Variants in PRKAR1A observed in about 807,000 individuals in gnomAD.
PRKAR1A encodes the protein protein kinase cAMP-dependent type I regulatory subunit alpha.
A neutral mutation model predicts 52.0 loss-of-function variants in PRKAR1A; 3 were observed. The observed-to-expected ratio is 0.06, with a 90% CI of 0.03 to 0.15. PRKAR1A has a LOEUF of 0.15. PRKAR1A is among the 10% of genes least tolerant of loss of function. The pLI is 1.00. For missense variants in PRKAR1A, 240 were observed against 477.4 expected (o/e 0.50, Z 4.63); for synonymous variants, 188 against 168.4 (o/e 1.12, Z -0.90).
chr17:68,546,059 C>T (rs2086541955), intron 11 of PRKAR1A, among the ~76,000 whole-genome samples: 1 of 150,586 alleles, frequency 6.6e-6, no homozygotes, highest in Admixed American at 6.6e-5. Flanking sequence ...GTCCCAGCTA[C>T]TTGGGAGGCT....
chr17:68,523,951 C>T, intron 4 of PRKAR1A, 65 bp from the exon 5 acceptor site: 1 of 1,597,296 alleles, frequency 6.3e-7, no homozygotes, highest in Middle Eastern at 1.7e-4. Context: ...TAATTCTAAG[C>T]TTAATGTTTG....
the PRKAR1A span, among the ~76,000 whole-genome samples, chr17:68,415,898 A>T: frequency 1.3e-5 from 2 of 152,194 alleles, no homozygotes; most frequent in Non-Finnish European, 2.9e-5. Context: ...CTTTAAATGT[A>T]TGCGAGTCCT....
rs2302231 is a variant in PRKAR1A, at chr17:68,529,886, G to T, written c.892-34G>T. On this transcript the variant is annotated intron_variant, in intron 9 of 10. Transcript: ENST00000589228. ...GGTGCCACCCTGGGTTTGAGAGTGT[G>T]TGTTTGTTTAGCTTTTTGGTGATTT... is the stretch of plus-strand genomic sequence containing the variant. 0.68 allele frequency: 1,079,162 copies of T among 1,588,636 alleles called. 369,824 individuals are homozygous for T. The highest frequency in any genetic ancestry group is 0.92 in the East Asian group (41,171 of 44,740).
chr17:68,478,491 C>A, the PRKAR1A span, among the ~76,000 whole-genome samples: 168 of 152,202 alleles, frequency 1.1e-3, 1 homozygote, highest in African/African-American at 3.9e-3. Flanking sequence ...ACCAAAAAAC[C>A]CATTTTTCTC....
At chr17:68,464,192 T>C in the PRKAR1A span, among the ~76,000 whole-genome samples, 1 of 152,180 alleles carries the variant, frequency 6.6e-6, no homozygotes. Context: ...TCCTTTCTTA[T>C]CAAAGCCTCT....
At chr17:68,466,442 C>A in the PRKAR1A span, among the ~76,000 whole-genome samples, 1 of 134,456 alleles carries the variant, frequency 7.4e-6, no homozygotes. Flanking sequence ...GACAGAGTCT[C>A]ACTCTGTCAC....
At chr17:68,526,399 G>A (rs2085792860) in intron 7 of PRKAR1A, among the ~76,000 whole-genome samples, 1 of 152,190 alleles carries the variant, frequency 6.6e-6, no homozygotes, top group African/African-American at 2.4e-5. Flanking sequence ...GGAACTTTCT[G>A]GTGATAGTCA....
the PRKAR1A span, among the ~76,000 whole-genome samples, chr17:68,478,175 C>T: frequency 1.1e-4 from 17 of 151,876 alleles, no homozygotes; most frequent in South Asian, 4.2e-4. Context: ...TTTTCTTGGC[C>T]GGGTGTGGTG....
the PRKAR1A span, among the ~76,000 whole-genome samples, chr17:68,453,560 C>T: frequency 6.6e-6 from 1 of 150,594 alleles, no homozygotes; most frequent in Admixed American, 6.6e-5. Flanking sequence ...CTCACTCCAA[C>T]CTCCGCCTCC....
intron 2 of PRKAR1A, among the ~76,000 whole-genome samples, chr17:68,516,065 G>A (rs2085423064): frequency 6.6e-6 from 1 of 152,058 alleles, no homozygotes; most frequent in African/African-American, 2.4e-5. Context: ...GTCTATTTTA[G>A]TATAGAGTAT....
the PRKAR1A span, among the ~76,000 whole-genome samples, chr17:68,417,561 C>T: frequency 7.2e-5 from 11 of 151,820 alleles, no homozygotes; most frequent in Non-Finnish European, 1.5e-4. Flanking sequence ...TTGTCAATTA[C>T]AGTTCAGGGC....
At chr17:68,492,912 T>C in the PRKAR1A span, among the ~76,000 whole-genome samples, 1 of 152,234 alleles carries the variant, frequency 6.6e-6, no homozygotes, top group Non-Finnish European at 1.5e-5. Context: ...CAGTCTGTCA[T>C]TGATGGACAT....
chr17:68,437,212 A>C, the PRKAR1A span, among the ~76,000 whole-genome samples: 1 of 152,160 alleles, frequency 6.6e-6, no homozygotes, highest in Non-Finnish European at 1.5e-5. Flanking sequence ...ACTGTTGGCC[A>C]GTAACTTCAA....
chr17:68,505,485 T>C, the PRKAR1A span, among the ~76,000 whole-genome samples: 1 of 151,854 alleles, frequency 6.6e-6, no homozygotes, highest in African/African-American at 2.4e-5. Flanking sequence ...ACAGAAAGAG[T>C]GAACTCTAAT....
the PRKAR1A span, among the ~76,000 whole-genome samples, chr17:68,446,180 T>G: frequency 1.3e-5 from 2 of 152,016 alleles, no homozygotes; most frequent in Non-Finnish European, 2.9e-5. Context: ...TTAAACACAT[T>G]TCTCAATTTT....
intron 1 of PRKAR1A, among the ~76,000 whole-genome samples, chr17:68,513,753 A>G (rs560171569): frequency 6.6e-6 from 1 of 152,320 alleles, no homozygotes; most frequent in Non-Finnish European, 1.5e-5. Flanking sequence ...ATACTGTCCT[A>G]TTACCGGTGG....
chr17:68,550,295 G>A (rs2086773222), intron 11 of PRKAR1A, among the ~76,000 whole-genome samples: 1 of 145,196 alleles, frequency 6.9e-6, no homozygotes, highest in Non-Finnish European at 1.5e-5. Flanking sequence ...ATTGTCTCAT[G>A]TACATTTCTG....
rs1321352950 is a variant in PRKAR1A, at chr17:68,530,528, T to TG, written c.*80dup. ...TGCAAACTGCTTTATTTTCCCTACT[T>TG]GCAGCGCCAAGTGGCCACTGGCATC... On this transcript the variant is annotated 3_prime_UTR_variant, in exon 11 of 11. Coordinates refer to ENST00000589228, the MANE Select transcript of PRKAR1A (RefSeq NM_002734.5). 1.9e-6 allele frequency: 3 copies of TG among 1,611,606 alleles called. No homozygotes were observed. The highest frequency in any genetic ancestry group is 2.7e-5 in the African/African-American group (2 of 74,894).
At chr17:68,501,908 T>C in the PRKAR1A span, among the ~76,000 whole-genome samples, 1 of 152,246 alleles carries the variant, frequency 6.6e-6, no homozygotes, top group Non-Finnish European at 1.5e-5. Context: ...GCAGAATCAC[T>C]GAGTTAGAAA....
Sources: allele counts gnomAD v4.1 joint callset (sites outside exome capture counted in the v4.1 genomes callset), GRCh38; gene constraint gnomAD v4.1.1; transcripts MANE v1.5; gene names NCBI Gene and HGNC (gene_info 2026-07-23, HGNC 2026-07-21).